The following ALPL variants were observed in gnomAD, a reference collection of about 807,000 sequenced individuals.
The protein encoded by ALPL is alkaline phosphatase, tissue-nonspecific isozyme.
Under a neutral mutation model 51.3 loss-of-function variants are expected in ALPL, and 42 were observed. That is an observed-to-expected ratio of 0.82 (90% confidence interval 0.64 to 1.06). The LOEUF (loss-of-function observed/expected upper bound fraction) is 1.06. Ranked by LOEUF, ALPL falls within the 50% of genes least tolerant of loss-of-function variation. ALPL has a pLI of 0.00. For synonymous variants in ALPL, 279 were observed against 296.4 expected (o/e 0.94, Z 0.60); for missense variants, 589 against 709.4 (o/e 0.83, Z 1.93).
At chr1:21,527,397 C>G (rs1309082300) in intron 1 of ALPL, among the ~76,000 whole-genome samples, 1 of 152,164 alleles carries the variant, frequency 6.6e-6, no homozygotes, top group Non-Finnish European at 1.5e-5. Context: ...ATTATTTGCT[C>G]AGTCTTCAGA....
In ALPL at chr1:21,514,463, C is replaced by T. The variant is rs559151220; in HGVS notation, c.-105+4946C>T. Among the ~76,000 whole-genome samples, 43 of 152,366 alleles carry T rather than the reference C, an allele frequency of 2.8e-4. No homozygotes were observed. The South Asian group carries it at 7.7e-3, about 27-fold the overall frequency. ...GATCTTGCACTCTGAACCCACAGCT[C>T]TCTGTTCCACCCCCTTTGCTGGGAG... On this transcript the variant is annotated intron_variant, in intron 1 of 11. Coordinates refer to ENST00000374840, the MANE Select transcript of ALPL (RefSeq NM_000478.6).
At chr1:21,555,577 C>T (rs4415532) in intron 2 of ALPL, among the ~76,000 whole-genome samples, 50,437 of 151,898 alleles carry the variant, frequency 0.33, 8,851 homozygotes, top group South Asian at 0.45. Flanking sequence ...CCGCAACACC[C>T]GGCTAATTTT....
At chr1:21,510,765 G>C (rs1481488245) in intron 1 of ALPL, among the ~76,000 whole-genome samples, 1 of 152,190 alleles carries the variant, frequency 6.6e-6, no homozygotes, top group Admixed American at 6.5e-5. Flanking sequence ...CTCCAGTCTT[G>C]CTCTTTCCAA....
intron 1 of ALPL, among the ~76,000 whole-genome samples, chr1:21,551,765 G>T (rs1210027238): frequency 8.4e-6 from 1 of 119,086 alleles, no homozygotes; most frequent in Non-Finnish European, 1.6e-5. Context: ...TCTCGCTGTC[G>T]CCCAGGCTGG....
rs1330165264 is a variant in ALPL, at chr1:21,563,288, A to C, written c.472+4A>C. ...CTGCGCTGGGCCAAGGACGCTGGTG[A>C]GTCGGGGGAGCAGTGGGGAGCAGGG... is the stretch of plus-strand genomic sequence containing the variant. On this transcript the variant is annotated splice_donor_region_variant and intron_variant, in intron 5 of 11. Coordinates refer to ENST00000374840, the MANE Select transcript of ALPL (RefSeq NM_000478.6). 6.2e-7 allele frequency: 1 copy of C among 1,604,944 alleles called. No individual in the cohort carries two copies. Among genetic ancestry groups the C allele is most frequent in the Non-Finnish European group, 8.5e-7 (1 of 1,174,254 alleles).
chr1:21,564,331 C>A lies in ALPL; in HGVS notation c.648+115C>A. The A allele has an allele frequency of 1.5e-6, 2 of 1,332,880 alleles. No homozygotes were observed. The highest frequency in any genetic ancestry group is 2.1e-6 in the Non-Finnish European group (2 of 965,700). 82.6% of individuals were successfully genotyped at this position (1,332,880 alleles called of 1,614,324 possible). ...GCAGCCTGGCCTGGCTCCCCACACA[C>A]CTGGGAGGCTCCCAGCCCATTAGGG... is the stretch of plus-strand genomic sequence containing the variant. On this transcript the variant is annotated intron_variant, in intron 6 of 11. Transcript: ENST00000374840. This position sits in a 1 kb window ranked among gnomAD's most constrained non-coding sequence, Gnocchi z 5.8.
At chr1:21,518,775 C>A (rs1643847835) in intron 1 of ALPL, among the ~76,000 whole-genome samples, 1 of 152,144 alleles carries the variant, frequency 6.6e-6, no homozygotes, top group Non-Finnish European at 1.5e-5. Context: ...CGTCCCACCC[C>A]TTTTTTCTCC....
intron 1 of ALPL, among the ~76,000 whole-genome samples, chr1:21,521,235 A>G (rs1388271063): frequency 2.6e-5 from 4 of 151,702 alleles, no homozygotes; most frequent in Admixed American, 6.6e-5. Flanking sequence ...CCCAGGCTGT[A>G]GTACAACGGC....
At chr1:21,532,368 T>TA (rs1351700336) in intron 1 of ALPL, among the ~76,000 whole-genome samples, 7 of 152,028 alleles carry the variant, frequency 4.6e-5, no homozygotes, top group African/African-American at 1.7e-4. Context: ...ATTTTTGTAT[T>TA]TTTGTAGAGA....
chr1:21,548,365 A>G (rs1158278326), intron 1 of ALPL, among the ~76,000 whole-genome samples: 2 of 152,172 alleles, frequency 1.3e-5, no homozygotes, highest in Non-Finnish European at 2.9e-5. Context: ...GCTATGGGAG[A>G]AGGCACCTGC....
chr1:21,551,187 C>T (rs1206988103), intron 1 of ALPL: 2 of 152,198 alleles, frequency 1.3e-5, no homozygotes, highest in African/African-American at 2.4e-5. Flanking sequence ...CCCCCACAAC[C>T]TTCCTTAGGG....
At chr1:21,534,454 G>GGA (rs1298425381) in intron 1 of ALPL, among the ~76,000 whole-genome samples, 1 of 152,202 alleles carries the variant, frequency 6.6e-6, no homozygotes, top group Non-Finnish European at 1.5e-5. Flanking sequence ...TCTGGGAAAG[G>GGA]GAGGAGGATT....
chr1:21,551,164 G>C (rs1357892031), intron 1 of ALPL: 1 of 152,122 alleles, frequency 6.6e-6, no homozygotes, highest in East Asian at 1.9e-4. Flanking sequence ...AATTTTGGAT[G>C]GCTCTTCCCT....
At chr1:21,568,301 C>A in intron 7 of ALPL, 54 bp downstream of exon 7, 1 of 1,611,176 alleles carries the variant, frequency 6.2e-7, no homozygotes, top group Non-Finnish European at 8.5e-7. Flanking sequence ...TGGGGAGAGG[C>A]TGTGTGACCC....
chr1:21,568,350 C>G (rs192238686), intron 7 of ALPL, 103 bp downstream of exon 7: 2 of 1,519,190 alleles, frequency 1.3e-6, no homozygotes, highest in Non-Finnish European at 1.8e-6. Flanking sequence ...GAAAGGGCAT[C>G]GGAAATCTTT....
Position 21,577,729 on chromosome 1 carries a change from G to C in ALPL, c.*81G>C, listed in dbSNP as rs1570311127. On this transcript the variant is annotated 3_prime_UTR_variant, in exon 12 of 12. Transcript: ENST00000374840. ...CAGCCCCCCCCTCAAGGGGCAGGGA[G>C]GTGGGGGCCTCCTCAGCCTCTGCAA... 2 of 1,516,946 alleles carry C rather than the reference G, an allele frequency of 1.3e-6. No homozygotes were observed. The highest frequency in any genetic ancestry group is 4.9e-5 in the East Asian group (2 of 41,112). 94.0% of individuals were successfully genotyped at this position (1,516,946 alleles called of 1,614,324 possible).
rs565251838 is a variant in ALPL, at chr1:21,577,712, C to T, written c.*64C>T. On this transcript the variant is annotated 3_prime_UTR_variant, in exon 12 of 12. Coordinates refer to ENST00000374840, the MANE Select transcript of ALPL (RefSeq NM_000478.6). Reference sequence around the variant, plus strand: ...GCCAACTTCCCACACGGCAGCCCCCCCCTCAAGGGGCAGGGAGGTGGGGGC... The same window carrying T: ...GCCAACTTCCCACACGGCAGCCCCCTCCTCAAGGGGCAGGGAGGTGGGGGC... 7 of 1,549,066 alleles carry T rather than the reference C, an allele frequency of 4.5e-6. No homozygotes were observed. The highest frequency in any genetic ancestry group is 1.2e-5 in the South Asian group (1 of 85,822).
intron 9 of ALPL, among the ~76,000 whole-genome samples, chr1:21,575,293 C>G (rs1358763954): frequency 1.4e-5 from 1 of 72,268 alleles, no homozygotes. Context: ...CAGGACTGAT[C>G]ATATTCCTCT....
In ALPL at chr1:21,577,706, GC is replaced by G. The variant is rs371832452; in HGVS notation, c.*66del. 6.5e-4 allele frequency: 1,004 copies of G among 1,551,268 alleles called. 4 individuals are homozygous for G. The highest frequency in any genetic ancestry group is 4.6e-3 in the African/African-American group (341 of 73,486). On this transcript the variant is annotated 3_prime_UTR_variant, in exon 12 of 12. Transcript: ENST00000374840. The stretch of plus-strand genomic sequence containing the variant: ...ACAGATGCCAACTTCCCACACGGCA[GC>G]CCCCCCCTCAAGGGGCAGGGAGGTG...
Sources: gnomAD v4.1 joint callset for allele counts (sites outside exome capture counted in the v4.1 genomes callset) on GRCh38, gnomAD v4.1.1 for gene constraint, Gnocchi (gnomAD v3.1) non-coding constraint, MANE v1.5 for transcripts, NCBI Gene and HGNC (gene_info 2026-07-23, HGNC 2026-07-21) for gene names.